IMMP2L: variants seen among roughly 807,000 people sequenced by gnomAD.
IMMP2L encodes inner mitochondrial membrane peptidase subunit 2.
In IMMP2L, 18 loss-of-function variants were observed where a neutral mutation model predicts 19.3. The ratio of observed to expected loss-of-function variants is 0.93; its 90% CI spans 0.64 to 1.38. IMMP2L has a LOEUF of 1.38. IMMP2L is among the 40% of genes most tolerant of loss of function. IMMP2L has a pLI of 0.00. For synonymous variants in IMMP2L, 76 were observed against 73.0 expected, an observed-to-expected ratio of 1.04 and a Z score of -0.21; for missense variants, 233 against 218.2, an observed-to-expected ratio of 1.07 and a Z score of -0.43.
chr7:111,418,605 T>C (rs1313476589), intron 3 of IMMP2L, among the ~76,000 whole-genome samples: 4 of 151,914 alleles, frequency 2.6e-5, no homozygotes, highest in African/African-American at 9.7e-5. Context: ...AGCTTTGCAG[T>C]GCTACTGCCA....
intron 3 of IMMP2L, among the ~76,000 whole-genome samples, chr7:111,217,541 G>T (rs532042946): frequency 7.2e-5 from 11 of 152,044 alleles, no homozygotes; most frequent in Non-Finnish European, 1.6e-4. Context: ...AAGAAACTAG[G>T]ATATACTGTA....
At chr7:111,519,760 A>G (rs1846177277) in intron 2 of IMMP2L, among the ~76,000 whole-genome samples, 1 of 152,114 alleles carries the variant, frequency 6.6e-6, no homozygotes, top group Admixed American at 6.6e-5. Context: ...TATGATTGCC[A>G]CATGATCCTC....
chr7:110,822,970 G>C (rs2131342334), intron 5 of IMMP2L, among the ~76,000 whole-genome samples: 1 of 152,170 alleles, frequency 6.6e-6, no homozygotes, highest in East Asian at 1.9e-4. Flanking sequence ...TCAAGTGTCT[G>C]ATGAGTAAAT....
intron 4 of IMMP2L, among the ~76,000 whole-genome samples, chr7:110,909,244 T>C (rs972141115): frequency 2.0e-5 from 3 of 152,172 alleles, no homozygotes; most frequent in African/African-American, 7.2e-5. Flanking sequence ...TGTACTTTGC[T>C]GGAAGAACAA....
intron 3 of IMMP2L, among the ~76,000 whole-genome samples, chr7:111,006,436 A>T (rs971894171): frequency 1.3e-5 from 2 of 152,176 alleles, no homozygotes; most frequent in African/African-American, 2.4e-5. Flanking sequence ...TGATTCCAGG[A>T]AACAACTAGT....
At chr7:110,884,104 T>C (rs1236354683) in intron 5 of IMMP2L, among the ~76,000 whole-genome samples, 2 of 152,204 alleles carry the variant, frequency 1.3e-5, no homozygotes, top group South Asian at 2.1e-4. Context: ...CAGTTATATA[T>C]ACATACAAAT....
intron 5 of IMMP2L, among the ~76,000 whole-genome samples, chr7:110,789,096 A>G (rs1287608275): frequency 6.6e-6 from 1 of 151,700 alleles, no homozygotes; most frequent in Non-Finnish European, 1.5e-5. Context: ...TCCTAACTAA[A>G]AGCAAACATC....
intron 3 of IMMP2L, among the ~76,000 whole-genome samples, chr7:111,486,697 C>G (rs182162132): frequency 8.3e-4 from 127 of 152,256 alleles, no homozygotes; most frequent in African/African-American, 2.8e-3. Flanking sequence ...TACATTAAGA[C>G]TGGAATGAAA....
intron 5 of IMMP2L, among the ~76,000 whole-genome samples, chr7:110,679,670 G>C (rs1792567740): frequency 6.6e-6 from 1 of 152,118 alleles, no homozygotes; most frequent in Admixed American, 6.6e-5. Context: ...TCCTCTGCTG[G>C]GGTTACCTCT....
chr7:110,914,591 C>G (rs1038308781), intron 4 of IMMP2L, among the ~76,000 whole-genome samples: 1 of 152,052 alleles, frequency 6.6e-6, no homozygotes, highest in African/African-American at 2.4e-5. Context: ...CAAAAAGCAC[C>G]AATGATTTCA....
chr7:110,815,082 G>C (rs1336444421), intron 5 of IMMP2L, among the ~76,000 whole-genome samples: 2 of 152,032 alleles, frequency 1.3e-5, no homozygotes, highest in Non-Finnish European at 2.9e-5. Flanking sequence ...TGCCCATTCA[G>C]TATGATATTG....
chr7:110,732,490 T>C (rs1398546740), intron 5 of IMMP2L, among the ~76,000 whole-genome samples: 1 of 152,014 alleles, frequency 6.6e-6, no homozygotes, highest in Non-Finnish European at 1.5e-5. Context: ...ATAGATATGG[T>C]ACTGAATTCA....
chr7:111,084,128 A>G (rs1203797399), intron 3 of IMMP2L, among the ~76,000 whole-genome samples: 4 of 152,084 alleles, frequency 2.6e-5, no homozygotes, highest in African/African-American at 9.7e-5. Context: ...GGAAGTTAGG[A>G]GAAATTGCAG....
At chr7:111,528,571 A>T (rs912937259) in intron 1 of IMMP2L, among the ~76,000 whole-genome samples, 7 of 152,172 alleles carry the variant, frequency 4.6e-5, no homozygotes, top group African/African-American at 1.7e-4. Flanking sequence ...ACCACATAAC[A>T]ACCCACACTG....
At chr7:111,316,091 A>C (rs541557515) in intron 3 of IMMP2L, among the ~76,000 whole-genome samples, 9 of 152,116 alleles carry the variant, frequency 5.9e-5, no homozygotes, top group Middle Eastern at 3.2e-3. Flanking sequence ...GCACAATGAT[A>C]TTTGTGTATC....
At chr7:110,808,908 T>A (rs1801825053) in intron 5 of IMMP2L, among the ~76,000 whole-genome samples, 1 of 152,060 alleles carries the variant, frequency 6.6e-6, no homozygotes, top group Non-Finnish European at 1.5e-5. Context: ...TGATTCATAA[T>A]CCTCGACATC....
rs138387120 is a variant in IMMP2L at position 110,745,822 on chromosome 7, A to T, written c.409-82101T>A. Reference sequence around the variant, plus strand: ...ATATCAAATTGTAAAGACCATCGACACTATGAAGAAACTGCATAAACTAAT... The same window carrying T: ...ATATCAAATTGTAAAGACCATCGACTCTATGAAGAAACTGCATAAACTAAT... On this transcript the variant is annotated intron_variant, in intron 5 of 5. Transcript: ENST00000405709. Among the ~76,000 whole-genome samples, 336 of 152,318 alleles carry T rather than the reference A, an allele frequency of 2.2e-3. 2 individuals carry two copies. The highest frequency in any genetic ancestry group is 7.8e-3 in the African/African-American group (326 of 41,570).
At chr7:111,193,946 A>G (rs1230047020) in intron 3 of IMMP2L, among the ~76,000 whole-genome samples, 2 of 152,180 alleles carry the variant, frequency 1.3e-5, no homozygotes, top group Non-Finnish European at 2.9e-5. Context: ...CATTTGTAAA[A>G]TATTACTGAT....
chr7:111,453,785 T>G (rs541814093), intron 3 of IMMP2L, among the ~76,000 whole-genome samples: 12 of 152,298 alleles, frequency 7.9e-5, no homozygotes, highest in African/African-American at 2.4e-4. Context: ...CCTGTTATTT[T>G]ATTTGTGGCA....
Sources: gnomAD v4.1 joint callset for allele counts (sites outside exome capture counted in the v4.1 genomes callset) on GRCh38, gnomAD v4.1.1 for gene constraint, MANE v1.5 for transcripts, NCBI Gene and HGNC (gene_info 2026-07-23, HGNC 2026-07-21) for gene names.